Variants in ZBTB7C observed in about 807,000 individuals in gnomAD.
ZBTB7C encodes the protein zinc finger and BTB domain containing 7C.
Under a neutral mutation model 25.7 loss-of-function variants are expected in ZBTB7C, and 8 were observed. The ratio of observed to expected loss-of-function variants is 0.31; its 90% CI spans 0.18 to 0.56. The LOEUF is 0.56. Ranked by LOEUF, ZBTB7C falls within the 20% of genes least tolerant of loss-of-function variation. ZBTB7C has a pLI of 0.91. For missense variants in ZBTB7C, 824 were observed against 855.2 expected, an observed-to-expected ratio of 0.96 and a Z score of 0.46; for synonymous variants, 394 against 369.0, an observed-to-expected ratio of 1.07 and a Z score of -0.78.
chr18:48,377,409 G>A (rs1434510469), intron 1 of ZBTB7C, among the ~76,000 whole-genome samples: 1 of 152,160 alleles, frequency 6.6e-6, no homozygotes, highest in Non-Finnish European at 1.5e-5. Context: ...TTGGGGAAGG[G>A]GGTGGGAGAA....
chr18:48,322,706 G>A (rs760739706), intron 2 of ZBTB7C, among the ~76,000 whole-genome samples: 2 of 152,158 alleles, frequency 1.3e-5, no homozygotes, highest in Non-Finnish European at 2.9e-5. Flanking sequence ...TATCTACCCC[G>A]AGGAAAGTAA....
chr18:48,144,578 T>G (rs914378621), intron 3 of ZBTB7C, among the ~76,000 whole-genome samples: 1 of 152,154 alleles, frequency 6.6e-6, no homozygotes, highest in Admixed American at 6.5e-5. Flanking sequence ...ACTCCTGAAC[T>G]CAAGCCATCT....
intron 3 of ZBTB7C, among the ~76,000 whole-genome samples, chr18:48,047,847 G>A (rs1024556370): frequency 5.3e-5 from 8 of 152,166 alleles, no homozygotes; most frequent in Non-Finnish European, 1.2e-4. Flanking sequence ...ACACAACTCT[G>A]AAAGATATAG....
intron 3 of ZBTB7C, among the ~76,000 whole-genome samples, chr18:48,166,443 T>G (rs1358183206): frequency 1.3e-5 from 2 of 152,220 alleles, no homozygotes; most frequent in African/African-American, 4.8e-5. Flanking sequence ...TTTTCCCCAG[T>G]AAGCTGGACT....
At chr18:48,052,325 A>G (rs2144255367) in intron 3 of ZBTB7C, among the ~76,000 whole-genome samples, 1 of 152,274 alleles carries the variant, frequency 6.6e-6, no homozygotes, top group South Asian at 2.1e-4. Flanking sequence ...AATGGTTTAG[A>G]TTTTGCTAGT....
At chr18:48,180,605 TG>T in intron 3 of ZBTB7C, 3 of 309,428 alleles carry the variant, frequency 9.7e-6, no homozygotes, top group Non-Finnish European at 6.4e-6. Flanking sequence ...GATGGGGGGG[TG>T]GGCCAGACAA....
At chr18:48,342,706 T>C (rs1298760114) in intron 1 of ZBTB7C, among the ~76,000 whole-genome samples, 2 of 152,038 alleles carry the variant, frequency 1.3e-5, no homozygotes, top group African/African-American at 2.4e-5. Flanking sequence ...AAAATAGCCT[T>C]GCTGTGGCAT....
intron 2 of ZBTB7C, among the ~76,000 whole-genome samples, chr18:48,277,234 C>T (rs926444724): frequency 8.9e-5 from 13 of 145,742 alleles, no homozygotes; most frequent in East Asian, 8.0e-4. Context: ...AGAAAATTTT[C>T]GCAACCTACT....
chr18:48,053,083 T>C (rs1027029899), intron 3 of ZBTB7C, among the ~76,000 whole-genome samples: 4 of 152,072 alleles, frequency 2.6e-5, no homozygotes, highest in African/African-American at 9.7e-5. Context: ...CAAGGTGGGG[T>C]TATTATTTGA....
chr18:48,407,772 G>A (rs1027581505), intron 1 of ZBTB7C, among the ~76,000 whole-genome samples: 1 of 152,134 alleles, frequency 6.6e-6, no homozygotes. Context: ...TGGGGGCAGG[G>A]AGCGGGAGCC....
At chr18:48,278,380 G>A (rs1026337704) in intron 2 of ZBTB7C, among the ~76,000 whole-genome samples, 2 of 151,990 alleles carry the variant, frequency 1.3e-5, no homozygotes, top group South Asian at 2.1e-4. Context: ...ATCCCCAGTT[G>A]AGTAACCCAA....
chr18:48,056,893 A>G (rs2036932944), intron 3 of ZBTB7C, among the ~76,000 whole-genome samples: 1 of 152,114 alleles, frequency 6.6e-6, no homozygotes, highest in Non-Finnish European at 1.5e-5. Context: ...AATGATTTAA[A>G]CATTTATGTA....
chr18:48,035,779 C>T (rs963564356), intron 4 of ZBTB7C, among the ~76,000 whole-genome samples: 24 of 152,264 alleles, frequency 1.6e-4, no homozygotes, highest in African/African-American at 5.8e-4. Context: ...CGAAGCCTGC[C>T]ATCCTAACCT....
At chr18:48,402,653 C>T (rs567981736) in intron 1 of ZBTB7C, among the ~76,000 whole-genome samples, 3 of 152,240 alleles carry the variant, frequency 2.0e-5, no homozygotes, top group African/African-American at 7.2e-5. Context: ...AGAAAGGAAC[C>T]TTTCTGTTTA....
At chr18:48,124,888 C>T (rs916897624) in intron 3 of ZBTB7C, among the ~76,000 whole-genome samples, 6 of 152,106 alleles carry the variant, frequency 3.9e-5, no homozygotes, top group Admixed American at 2.0e-4. Context: ...AGGACAGCAG[C>T]GGTGGCCAGT....
intron 2 of ZBTB7C, among the ~76,000 whole-genome samples, chr18:48,313,321 T>C (rs1160183367): frequency 1.3e-5 from 2 of 152,172 alleles, no homozygotes. Context: ...GGCCAGCAAG[T>C]GCAGACAGAA....
At chr18:48,373,137 A>T (rs1356088440) in intron 1 of ZBTB7C, among the ~76,000 whole-genome samples, 1 of 152,146 alleles carries the variant, frequency 6.6e-6, no homozygotes, top group East Asian at 1.9e-4. Flanking sequence ...TCCCCATCCA[A>T]ATCTCATGTT....
In ZBTB7C at chr18:48,200,935, G is replaced by C. The variant is rs546112573; in HGVS notation, c.-78-14940C>G. 2.4e-4 allele frequency among the ~76,000 whole-genome samples: 37 copies of C among 152,326 alleles called. 1 individual carries two copies. The highest frequency in any genetic ancestry group is 6.5e-4 in the African/African-American group (27 of 41,582). ...AAGCTGAGGTGTGTGGCTCACGCCT[G>C]ACCCTGGTCAGGATGAAGCAGGCCA... is the stretch of plus-strand genomic sequence containing the variant. On this transcript the variant is annotated intron_variant, in intron 2 of 4. Coordinates refer to ENST00000590800, the MANE Select transcript of ZBTB7C (RefSeq NM_001318841.2).
At chr18:48,182,157 T>C (rs2041942965) in intron 3 of ZBTB7C, among the ~76,000 whole-genome samples, 1 of 151,852 alleles carries the variant, frequency 6.6e-6, no homozygotes, top group Non-Finnish European at 1.5e-5. Context: ...AAGATAATGA[T>C]TCTACTTCTT....
Sources: allele counts gnomAD v4.1 joint callset (sites outside exome capture counted in the v4.1 genomes callset), GRCh38; gene constraint gnomAD v4.1.1; transcripts MANE v1.5; gene names NCBI Gene and HGNC (gene_info 2026-07-23, HGNC 2026-07-21).